Variants in NGEF observed in about 807,000 individuals in gnomAD.
NGEF encodes the protein neuronal guanine nucleotide exchange factor.
Under a neutral mutation model 80.9 loss-of-function variants are expected in NGEF, and 31 were observed. That is an observed-to-expected ratio of 0.38 (90% CI 0.29 to 0.52). The LOEUF is 0.52. Among genes scored for constraint, NGEF ranks in the 20% least tolerant of loss-of-function variants. NGEF has a pLI of 0.84. For synonymous variants in NGEF, 371 were observed against 370.2 expected (o/e 1.00, Z -0.03); for missense variants, 709 against 926.2 (o/e 0.77, Z 3.04).
chr2:232,905,414 C>T (rs533506311), intron 5 of NGEF, among the ~76,000 whole-genome samples: 148 of 152,326 alleles, frequency 9.7e-4, no homozygotes, highest in Middle Eastern at 3.4e-3. Context: ...CTCAATGGTG[C>T]CCAGGCTGGA....
chr2:232,923,701 C>T (rs896536667), intron 4 of NGEF, among the ~76,000 whole-genome samples: 1 of 152,132 alleles, frequency 6.6e-6, no homozygotes, highest in East Asian at 1.9e-4. Flanking sequence ...TGCCATTTCA[C>T]ACCAGCTTGG....
At chr2:232,889,466 A>G (rs1188147925) in intron 8 of NGEF, among the ~76,000 whole-genome samples, 1 of 151,922 alleles carries the variant, frequency 6.6e-6, no homozygotes, top group Non-Finnish European at 1.5e-5. Context: ...CCATTCCACC[A>G]TTTCCTAATC....
Position 232,949,131 on chromosome 2 carries a change from G to T in NGEF, c.383+21083C>A, listed in dbSNP as rs532474334. ...GTCGCAGAGGCCAAGGGAAGGAAGAGAACTTTGCTGATCACTGCCCAGCCT... is the reference window on the plus strand; with the variant it reads ...GTCGCAGAGGCCAAGGGAAGGAAGATAACTTTGCTGATCACTGCCCAGCCT... On this transcript the variant is annotated intron_variant, in intron 3 of 14. Coordinates refer to ENST00000264051, the MANE Select transcript of NGEF (RefSeq NM_019850.3). Among the ~76,000 whole-genome samples, 31 of 152,154 alleles carry T rather than the reference G, an allele frequency of 2.0e-4. No homozygotes were observed. The South Asian group carries it at 5.6e-3, about 27-fold the overall frequency.
intron 3 of NGEF, among the ~76,000 whole-genome samples, chr2:232,969,844 T>C (rs1012285671): frequency 6.6e-6 from 1 of 152,008 alleles, no homozygotes. Flanking sequence ...TTAATATATG[T>C]AGTATTCAAA....
intron 3 of NGEF, among the ~76,000 whole-genome samples, chr2:232,959,596 T>A (rs1693903192): frequency 6.8e-6 from 1 of 146,046 alleles, no homozygotes. Context: ...TTTTTTTTTT[T>A]AAGACAGAGC....
At chr2:232,981,657 C>T (rs1694431669) in intron 1 of NGEF, among the ~76,000 whole-genome samples, 1 of 152,156 alleles carries the variant, frequency 6.6e-6, no homozygotes, top group Non-Finnish European at 1.5e-5. Flanking sequence ...CATCTCCAAC[C>T]TGATCAATCA....
chr2:232,916,888 C>T (rs953690469), intron 5 of NGEF, among the ~76,000 whole-genome samples: 1 of 152,242 alleles, frequency 6.6e-6, no homozygotes, highest in African/African-American at 2.4e-5. Context: ...CACAAACTCT[C>T]CTGAGCAACC....
At chr2:233,004,244 G>T (rs776902974) in intron 1 of NGEF, among the ~76,000 whole-genome samples, 1 of 152,064 alleles carries the variant, frequency 6.6e-6, no homozygotes, top group Non-Finnish European at 1.5e-5. Flanking sequence ...CACCTGTCCG[G>T]CTTCTCCCAC....
At chr2:232,969,049 G>A (rs78664189) in intron 3 of NGEF, among the ~76,000 whole-genome samples, 12,951 of 152,258 alleles carry the variant, frequency 0.085, 670 homozygotes, top group South Asian at 0.17. Context: ...GATCTCTGCC[G>A]TGTTAAGCTG....
At chr2:232,938,550 C>T (rs950850531) in intron 3 of NGEF, among the ~76,000 whole-genome samples, 2 of 151,868 alleles carry the variant, frequency 1.3e-5, no homozygotes, top group African/African-American at 4.8e-5. Context: ...CCAAGAGGAG[C>T]CTGGGCTTTT....
chr2:232,998,552 C>T (rs1694903528), intron 1 of NGEF, among the ~76,000 whole-genome samples: 1 of 152,150 alleles, frequency 6.6e-6, no homozygotes, highest in Non-Finnish European at 1.5e-5. Flanking sequence ...CCAGCCGGCT[C>T]ATGCCATAGG....
At chr2:232,884,319 T>C (rs2106215247) in intron 10 of NGEF, among the ~76,000 whole-genome samples, 175 bp from the exon 11 acceptor site, 1 of 151,372 alleles carries the variant, frequency 6.6e-6, no homozygotes, top group South Asian at 2.1e-4. Context: ...GGCAGGGCTG[T>C]GTGTGTGTGT....
Position 233,013,254 on chromosome 2 carries a change from A to G in NGEF, c.-261T>C, listed in dbSNP as rs1268471035. ...TCCTGGAAAAGCTTCACTGGTAAGC[A>G]TTCCCGACCTTTAGACCTGCCTTGG... is the stretch of plus-strand genomic sequence containing the variant. On this transcript the variant is annotated 5_prime_UTR_variant, in exon 1 of 15. The change abolishes an upstream ATG in the 5' untranslated region. Coordinates refer to ENST00000264051, the MANE Select transcript of NGEF (RefSeq NM_019850.3). 2.1e-5 allele frequency: 10 copies of G among 471,194 alleles called. No individual in the cohort carries two copies. In the Admixed American group the frequency reaches 2.3e-4, roughly 11 times the overall value. The allele number at this position is 471,194 out of a possible 1,614,324, so 29.2% of individuals were successfully genotyped here.
intron 8 of NGEF, 57 bp from the exon 9 acceptor site, chr2:232,888,164 TC>T: frequency 7.3e-7 from 1 of 1,369,932 alleles, no homozygotes; most frequent in African/African-American, 1.4e-5. Flanking sequence ...TCCTCCCATT[TC>T]CCACCTTGAC....
intron 2 of NGEF, 96 bp downstream of exon 2, chr2:232,974,527 G>T: frequency 7.2e-7 from 1 of 1,398,030 alleles, no homozygotes; most frequent in Non-Finnish European, 9.8e-7. Flanking sequence ...ACTTTTCAAT[G>T]CCACTTATCC....
intron 3 of NGEF, among the ~76,000 whole-genome samples, chr2:232,956,781 TAAAAAAAAAAAA>T (rs57407464): frequency 1.6e-5 from 1 of 62,136 alleles, no homozygotes; most frequent in Admixed American, 2.3e-4. Flanking sequence ...AGACTCCATC[TAAAAAAAAAAAA>T]AAAAAAAAAA....
At chr2:232,976,202 A>G (rs954763149) in intron 1 of NGEF, among the ~76,000 whole-genome samples, 3 of 152,144 alleles carry the variant, frequency 2.0e-5, no homozygotes, top group African/African-American at 7.2e-5. Context: ...CTCCATCTCA[A>G]AAAAACCCTT....
intron 3 of NGEF, among the ~76,000 whole-genome samples, chr2:232,958,003 G>A (rs1479043195): frequency 6.6e-6 from 1 of 152,174 alleles, no homozygotes; most frequent in Non-Finnish European, 1.5e-5. Context: ...AAATAGAAAC[G>A]GTTTCACAGA....
At chr2:232,880,231 C>A (rs917877675) in intron 14 of NGEF, among the ~76,000 whole-genome samples, 1 of 152,214 alleles carries the variant, frequency 6.6e-6, no homozygotes, top group Non-Finnish European at 1.5e-5. Flanking sequence ...CACGAGTAGT[C>A]TCAGCGTCAA....
Sources: gnomAD v4.1 joint callset for allele counts (sites outside exome capture counted in the v4.1 genomes callset) on GRCh38, gnomAD v4.1.1 for gene constraint, MANE v1.5 for transcripts, NCBI Gene and HGNC (gene_info 2026-07-23, HGNC 2026-07-21) for gene names.